The following DAB1 variants were observed in gnomAD, a reference collection of about 807,000 sequenced individuals.
DAB1 encodes the protein DAB adaptor protein 1.
In DAB1, 15 loss-of-function variants were observed where a neutral mutation model predicts 64.6. The ratio of observed to expected loss-of-function variants is 0.23; its 90% CI spans 0.16 to 0.36. The LOEUF (loss-of-function observed/expected upper bound fraction) is 0.36. Among genes scored for constraint, DAB1 ranks in the 10% least tolerant of loss-of-function variants. The probability of loss-of-function intolerance (pLI) is 1.00; values close to 1 mark genes in which losing one functional copy is unlikely to be tolerated. For missense variants in DAB1, 596 were observed against 706.7 expected (o/e 0.84, Z 1.78); for synonymous variants, 235 against 251.9 (o/e 0.93, Z 0.64).
At chr1:57,044,185 G>C (rs185686834) in intron 9 of DAB1, among the ~76,000 whole-genome samples, 1 of 152,180 alleles carries the variant, frequency 6.6e-6, no homozygotes, top group Non-Finnish European at 1.5e-5. Context: ...TCATTGCCTT[G>C]TTTGGTTTTG....
intron 3 of DAB1, among the ~76,000 whole-genome samples, chr1:58,347,871 C>T (rs546331362): frequency 6.6e-6 from 1 of 152,310 alleles, no homozygotes; most frequent in East Asian, 1.9e-4. Context: ...GTTCTAGCTC[C>T]CAACAGTCAG....
chr1:57,678,761 G>GTTTTTTTTTTTTTTTTTTTTTTTTT (rs143885937), intron 6 of DAB1, among the ~76,000 whole-genome samples: 1 of 135,808 alleles, frequency 7.4e-6, no homozygotes, highest in Non-Finnish European at 1.5e-5. Context: ...TGAGGCAACT[G>GTTTTTTTTTTTTTTTTTTTTTTTTT]TTTTTTGTTT....
chr1:58,514,152 T>C (rs1336138572), intron 2 of DAB1, among the ~76,000 whole-genome samples: 1 of 152,126 alleles, frequency 6.6e-6, no homozygotes, highest in African/African-American at 2.4e-5. Context: ...TGGTCCTAAG[T>C]GATGATGTCA....
chr1:57,553,467 G>GAA (rs772645853), intron 7 of DAB1, among the ~76,000 whole-genome samples: 1 of 12,912 alleles, frequency 7.7e-5, no homozygotes, highest in African/African-American at 1.2e-4. Context: ...AAAGAGAAAG[G>GAA]GAAAGAAAGG....
At chr1:57,744,788 A>G (rs1294191513) in intron 6 of DAB1, among the ~76,000 whole-genome samples, 2 of 152,200 alleles carry the variant, frequency 1.3e-5, no homozygotes, top group Non-Finnish European at 2.9e-5. Context: ...ATACATCCTC[A>G]GCACAGAAAC....
At chr1:58,020,353 C>T (rs1646798797) in intron 5 of DAB1, among the ~76,000 whole-genome samples, 1 of 152,140 alleles carries the variant, frequency 6.6e-6, no homozygotes, top group Non-Finnish European at 1.5e-5. Context: ...TTTCTTCTTC[C>T]TTTTTAACAG....
chr1:57,236,175 T>C (rs577956450), intron 2 of DAB1, among the ~76,000 whole-genome samples: 3 of 152,348 alleles, frequency 2.0e-5, no homozygotes, highest in East Asian at 1.9e-4. Context: ...GGAGATAGTT[T>C]GTTCATCATT....
chr1:57,469,282 G>A (rs960866797), intron 7 of DAB1, among the ~76,000 whole-genome samples: 1 of 152,192 alleles, frequency 6.6e-6, no homozygotes, highest in African/African-American at 2.4e-5. Context: ...ACTTAGGTAA[G>A]CGGTTCACAC....
At position 57,492,764 on chromosome 1, in the gene DAB1, C is replaced by T. The variant is rs568268534; in HGVS notation, n.625+156828G>A. Among the ~76,000 whole-genome samples the T allele has an allele frequency of 7.2e-5, 11 of 152,278 alleles. No individual in the cohort carries two copies. The South Asian group carries it at 1.9e-3, about 26-fold the overall frequency. ...GGAATAGTAGCCAGATGGTCTTGAGCTCCGGGCTCCAGTCACAAATGACTT... is the reference window on the plus strand; with the variant it reads ...GGAATAGTAGCCAGATGGTCTTGAGTTCCGGGCTCCAGTCACAAATGACTT... On this transcript the variant is annotated intron_variant and non_coding_transcript_variant, in intron 7 of 20. Transcript: ENST00000485760.
intron 4 of DAB1, among the ~76,000 whole-genome samples, chr1:58,282,075 T>C (rs635459): frequency 0.92 from 140,143 of 152,118 alleles, 64,554 homozygotes; most frequent in Middle Eastern, 0.96. Context: ...CCTCCTAATG[T>C]CCCAACCATA....
At chr1:57,179,565 A>G (rs1662691556) in intron 2 of DAB1, among the ~76,000 whole-genome samples, 1 of 152,190 alleles carries the variant, frequency 6.6e-6, no homozygotes, top group Non-Finnish European at 1.5e-5. Flanking sequence ...TTTCAGATTC[A>G]TTCTTGGGCC....
intron 6 of DAB1, among the ~76,000 whole-genome samples, chr1:57,815,521 T>C (rs1048395515): frequency 2.6e-5 from 4 of 152,192 alleles, no homozygotes; most frequent in Admixed American, 1.3e-4. Context: ...AGGTATTAAA[T>C]TGTGATGCTA....
chr1:57,151,656 G>A (rs1429123731), intron 2 of DAB1, among the ~76,000 whole-genome samples: 3 of 151,568 alleles, frequency 2.0e-5, no homozygotes, highest in Non-Finnish European at 4.4e-5. Flanking sequence ...TTCAATTTGG[G>A]GTTTTCAAAT....
chr1:58,126,718 T>C (rs1052346327), intron 5 of DAB1, among the ~76,000 whole-genome samples: 21 of 151,814 alleles, frequency 1.4e-4, no homozygotes, highest in Non-Finnish European at 2.9e-4. Flanking sequence ...GTTTGGTTTT[T>C]TGTTCTTGCG....
chr1:57,815,315 G>A (rs991169004), intron 6 of DAB1, among the ~76,000 whole-genome samples: 4 of 151,962 alleles, frequency 2.6e-5, no homozygotes, highest in African/African-American at 7.2e-5. Flanking sequence ...TGATCTGCCC[G>A]CCTCAGCCTC....
intron 6 of DAB1, among the ~76,000 whole-genome samples, chr1:57,802,821 A>C (rs1325954326): frequency 1.3e-5 from 2 of 151,736 alleles, no homozygotes; most frequent in Admixed American, 6.6e-5. Flanking sequence ...AGCCAATTAA[A>C]CCTCTTTTCT....
At chr1:57,405,681 C>T (rs971293773) in intron 1 of DAB1, among the ~76,000 whole-genome samples, 6 of 152,188 alleles carry the variant, frequency 3.9e-5, no homozygotes, top group Admixed American at 2.6e-4. Flanking sequence ...ACCTTAACAG[C>T]GGTTTACCTG....
At chr1:57,838,575 T>C (rs1314720746) in intron 1 of DAB1, among the ~76,000 whole-genome samples, 4 of 152,020 alleles carry the variant, frequency 2.6e-5, no homozygotes, top group Non-Finnish European at 5.9e-5. Flanking sequence ...AAAAGAAATA[T>C]AATATGATTT....
intron 2 of DAB1, among the ~76,000 whole-genome samples, chr1:57,246,711 T>A (rs981648487): frequency 5.9e-5 from 9 of 152,180 alleles, no homozygotes; most frequent in African/African-American, 2.2e-4. Context: ...TGCCAGCCCA[T>A]AAGAGCAACC....
Sources: gnomAD v4.1 joint callset for allele counts (sites outside exome capture counted in the v4.1 genomes callset) on GRCh38, gnomAD v4.1.1 for gene constraint, MANE v1.5 for transcripts, NCBI Gene and HGNC (gene_info 2026-07-23, HGNC 2026-07-21) for gene names.